Variants in GLI3 observed in about 807,000 individuals in gnomAD.
The protein encoded by GLI3 is GLI family zinc finger 3.
GLI3 carries 20 observed loss-of-function variants against 100.8 expected under a neutral mutation model. That is an observed-to-expected ratio of 0.20 (90% CI 0.14 to 0.29). The LOEUF is 0.29. Ranked by LOEUF, GLI3 falls within the 10% of genes least tolerant of loss-of-function variation. The pLI is 1.00. For synonymous variants in GLI3, 938 were observed against 860.5 expected (o/e 1.09, Z -1.58); for missense variants, 2,040 against 2,128.5 (o/e 0.96, Z 0.82).
In GLI3 at chr7:41,966,586, G is replaced by A. The variant is rs1010022559; in HGVS notation, c.2487C>T (p.Gly829=). ...CGTCCACCCCAGAGAGGTCGCTTCT[G>A]CCCGGGAGAAGCGTCATGGGCCCAC... ...SLGGPMTLLP[G]RSDLSGVDVT... is the part of the protein sequence containing the mutation. The change falls in exon 15 of 15, where the codon GGC becomes GGT. Residue 829 remains glycine, a synonymous_variant. Transcript: ENST00000395925. This position sits in a 1 kb window ranked among gnomAD's most constrained non-coding sequence, Gnocchi z 5.8. 6.2e-7 allele frequency: 1 copy of A among 1,613,844 alleles called. No homozygotes were observed. Among genetic ancestry groups the A allele is most frequent in the African/African-American group, 1.3e-5 (1 of 74,938 alleles).
chr7:42,103,993 G>A (rs1785522243), intron 3 of GLI3, among the ~76,000 whole-genome samples: 1 of 152,216 alleles, frequency 6.6e-6, no homozygotes, highest in African/African-American at 2.4e-5. Flanking sequence ...GGGGCCAGCT[G>A]ACTTTCTAGT....
upstream of GLI3, chr7:42,237,985 G>T: frequency 6.7e-6 from 1 of 148,900 alleles, no homozygotes; most frequent in Non-Finnish European, 1.3e-5. Flanking sequence ...CTCCGCCGCC[G>T]CCGCCGCCGC....
At chr7:42,256,469 G>A (rs1204754660) in intron 1 of GLI3, among the ~76,000 whole-genome samples, 2 of 152,142 alleles carry the variant, frequency 1.3e-5, no homozygotes, top group African/African-American at 4.8e-5. Flanking sequence ...TATGATGTGA[G>A]ATGAGGGTCT....
At chr7:42,181,782 T>C (rs554582756) in intron 2 of GLI3, among the ~76,000 whole-genome samples, 3 of 152,240 alleles carry the variant, frequency 2.0e-5, no homozygotes, top group South Asian at 2.1e-4. Flanking sequence ...AAAAAGATAA[T>C]GGCCTAGGTT....
Position 41,966,128 on chromosome 7 carries a change from C to A in GLI3, c.2945G>T (p.Gly982Val). ...PVHAPRRCSD[G>V]GAHGYGRRHL... is the part of the protein sequence containing the mutation. Reference sequence around the variant, plus strand: ...GCGCCGCCCGTAGCCGTGGGCTCCCCCGTCGCTGCACCTCCTCGGGGCATG... The same window carrying A: ...GCGCCGCCCGTAGCCGTGGGCTCCCACGTCGCTGCACCTCCTCGGGGCATG... Residue 982 changes from glycine to valine, a missense_variant, in exon 15 of 15, where the codon GGG becomes GTG. Gly to Val is a moderately radical substitution (Grantham distance 109, BLOSUM62 -3). Around this residue, in one of 5 missense-constraint regions of GLI3, gnomAD observed 1,041 missense variants for 924.0 expected, o/e 1.13. Coordinates refer to ENST00000395925, the MANE Select transcript of GLI3 (RefSeq NM_000168.6). The surrounding 1 kb of genome is among the most constrained non-coding windows in gnomAD (Gnocchi z 5.8). 6.3e-7 allele frequency: 1 copy of A among 1,584,830 alleles called. No individual in the cohort carries two copies. Among genetic ancestry groups the A allele is most frequent in the Non-Finnish European group, 8.5e-7 (1 of 1,170,466 alleles).
chr7:42,137,784 T>C (rs998029911), intron 3 of GLI3, among the ~76,000 whole-genome samples: 2 of 152,214 alleles, frequency 1.3e-5, no homozygotes, highest in Non-Finnish European at 2.9e-5. Flanking sequence ...TGGGTCATAG[T>C]CAAAATGCAG....
intron 2 of GLI3, among the ~76,000 whole-genome samples, chr7:42,183,492 T>A (rs1228310856): frequency 6.6e-6 from 1 of 152,056 alleles, no homozygotes; most frequent in Non-Finnish European, 1.5e-5. Flanking sequence ...CCCAGGACAA[T>A]CAAGCTTTGA....
At chr7:42,193,483 A>G (rs1306940324) in intron 2 of GLI3, among the ~76,000 whole-genome samples, 1 of 152,082 alleles carries the variant, frequency 6.6e-6, no homozygotes, top group African/African-American at 2.4e-5. Context: ...GACTCAAATT[A>G]CTCAGGAATT....
chr7:42,249,355 G>A (rs1218286350), intron 1 of GLI3, among the ~76,000 whole-genome samples: 1 of 152,088 alleles, frequency 6.6e-6, no homozygotes, highest in Non-Finnish European at 1.5e-5. Flanking sequence ...ATTTTTATGT[G>A]TCACAAAATG....
chr7:42,228,166 A>G (rs1354325744), intron 1 of GLI3, among the ~76,000 whole-genome samples: 2 of 152,002 alleles, frequency 1.3e-5, no homozygotes, highest in Non-Finnish European at 2.9e-5. Flanking sequence ...TCATCATTAC[A>G]TCAGCGCGGG....
intron 4 of GLI3, among the ~76,000 whole-genome samples, chr7:42,064,872 A>C (rs1784643367): frequency 6.6e-6 from 1 of 152,188 alleles, no homozygotes; most frequent in African/African-American, 2.4e-5. Flanking sequence ...TTATTTGCTA[A>C]ATGGAACACA....
At position 42,096,827 on chromosome 7, in the gene GLI3, T is replaced by C. The variant is rs75534707; in HGVS notation, c.368-19970A>G. Among the ~76,000 whole-genome samples the C allele has an allele frequency of 4.4e-4, 67 of 152,210 alleles. 1 individual carries two copies. In the East Asian group the frequency reaches 0.012, roughly 27 times the overall value. On this transcript the variant is annotated intron_variant, in intron 3 of 14. Transcript: ENST00000395925. The stretch of plus-strand genomic sequence containing the variant: ...TCCAAGGGCCTGGTGCCATCAAAGA[T>C]AGGTTATCTCAAAAGACTGTTGCCT...
chr7:42,065,093 A>G (rs1324276047), intron 4 of GLI3, among the ~76,000 whole-genome samples: 1 of 152,016 alleles, frequency 6.6e-6, no homozygotes, highest in Non-Finnish European at 1.5e-5. Context: ...TTTATACTGT[A>G]TCATTTTCAT....
intron 1 of GLI3, among the ~76,000 whole-genome samples, chr7:42,230,669 G>A (rs1788680188): frequency 6.6e-6 from 1 of 152,350 alleles, no homozygotes; most frequent in Non-Finnish European, 1.5e-5. Context: ...AGTACTTGAT[G>A]AGAAACATTT....
chr7:42,133,910 C>T (rs796592157), intron 3 of GLI3, among the ~76,000 whole-genome samples: 57 of 151,870 alleles, frequency 3.8e-4, no homozygotes, highest in African/African-American at 1.3e-3. Context: ...GGTGAAACAC[C>T]GTATCTACTA....
chr7:42,061,982 G>A (rs1039668778), intron 4 of GLI3, among the ~76,000 whole-genome samples: 3 of 152,178 alleles, frequency 2.0e-5, no homozygotes, highest in Non-Finnish European at 4.4e-5. Flanking sequence ...CTTCTTCAGA[G>A]AGAAAGCAAG....
chr7:42,053,181 G>C (rs1464948361), intron 4 of GLI3, among the ~76,000 whole-genome samples: 1 of 152,192 alleles, frequency 6.6e-6, no homozygotes, highest in Non-Finnish European at 1.5e-5. Flanking sequence ...CTTTTTAGTA[G>C]AGACAAGGTT....
chr7:42,123,437 C>T (rs3801196), intron 3 of GLI3, among the ~76,000 whole-genome samples: 33,831 of 152,058 alleles, frequency 0.22, 4,603 homozygotes, highest in South Asian at 0.39. Flanking sequence ...AAAATACATA[C>T]GCATTAAAAT....
intron 2 of GLI3, among the ~76,000 whole-genome samples, chr7:42,187,041 C>G (rs1787729776): frequency 1.2e-5 from 1 of 84,818 alleles, no homozygotes; most frequent in Non-Finnish European, 2.3e-5. Flanking sequence ...GAGAACCTGT[C>G]TCAAAAAAAA....
Sources: gnomAD v4.1 joint callset for allele counts (sites outside exome capture counted in the v4.1 genomes callset) on GRCh38, gnomAD v4.1.1 for gene constraint, gnomAD v4.1.1 regional missense constraint, Gnocchi (gnomAD v3.1) non-coding constraint, MANE v1.5 for transcripts, NCBI Gene and HGNC (gene_info 2026-07-23, HGNC 2026-07-21) for gene names.